Variants in SNX11 observed in about 807,000 individuals in gnomAD.
SNX11 encodes sorting nexin-11.
SNX11 carries 19 observed loss-of-function variants against 30.7 expected under a neutral mutation model. That is an observed-to-expected ratio of 0.62 (90% confidence interval 0.43 to 0.91). The LOEUF (loss-of-function observed/expected upper bound fraction) is 0.91, where lower values mean the gene tolerates loss of function less well. SNX11 is among the 40% of genes least tolerant of loss of function. The pLI is 0.00. For missense variants in SNX11, 302 were observed against 326.7 expected, an observed-to-expected ratio of 0.92 and a Z score of 0.58; for synonymous variants, 112 against 119.0, an observed-to-expected ratio of 0.94 and a Z score of 0.38.
chr17:48,118,742 G>A lies in SNX11; in HGVS notation c.269G>A (p.Gly90Asp). 6.2e-7 allele frequency: 1 copy of A among 1,614,054 alleles called. No individual in the cohort carries two copies. The highest frequency in any genetic ancestry group is 8.5e-7 in the Non-Finnish European group (1 of 1,179,974). The change falls in exon 5 of 7, where the codon GGC becomes GAC. Residue 90 changes from glycine to aspartate, a missense_variant. Transcript: ENST00000359238. ...CTTCCTGGGAAGTCAACCTTCTTCG[G>A]CACCTCAGATGAGTTCATTGAGAAG... is the stretch of plus-strand genomic sequence containing the variant. ...PELPGKSTFF[G>D]TSDEFIEKRR...
rs2063609544 is a variant in SNX11 at position 48,122,250 on chromosome 17, T to C, written c.*742T>C. ...TGTCCCGGGCTGTTACTGTCTCTTC[T>C]GGTTATAAAGCAGACATGTGGCCAT... On this transcript the variant is annotated 3_prime_UTR_variant, in exon 7 of 7. Coordinates refer to ENST00000359238, the MANE Select transcript of SNX11 (RefSeq NM_013323.3). 6.5e-6 allele frequency: 1 copy of C among 153,782 alleles called. No individual in the cohort carries two copies. Among genetic ancestry groups the C allele is most frequent in the African/African-American group, 2.4e-5 (1 of 41,454 alleles). 9.5% of individuals were successfully genotyped at this position (153,782 alleles called of 1,614,324 possible). A position where few individuals can be genotyped will look rare whatever the true frequency, so the allele number is the denominator to read the frequency against.
Position 48,112,021 on chromosome 17 carries a change from C to G in SNX11, c.-13-10C>G. Reference sequence around the variant, plus strand: ...CTAACCTTGATCCTGTATCCTCTGTCCCTCATCAGATGTTTCCTTCCAATG... The same window carrying G: ...CTAACCTTGATCCTGTATCCTCTGTGCCTCATCAGATGTTTCCTTCCAATG... On this transcript the variant is annotated splice_polypyrimidine_tract_variant and intron_variant, in intron 1 of 6. Coordinates refer to ENST00000359238, the MANE Select transcript of SNX11 (RefSeq NM_013323.3). 6.2e-7 allele frequency: 1 copy of G among 1,605,910 alleles called. No homozygotes were observed. Among genetic ancestry groups the G allele is most frequent in the Non-Finnish European group, 8.5e-7 (1 of 1,172,580 alleles).
At chr17:48,112,463 G>A in intron 2 of SNX11, 111 bp from the exon 3 acceptor site, 1 of 720,308 alleles carries the variant, frequency 1.4e-6, no homozygotes, top group Non-Finnish European at 2.5e-6. Context: ...ATAAATGAAA[G>A]TTGGTGTTGA....
chr17:48,119,611 C>T (rs1479219331), intron 6 of SNX11, among the ~76,000 whole-genome samples: 1 of 152,124 alleles, frequency 6.6e-6, no homozygotes, highest in African/African-American at 2.4e-5. Flanking sequence ...GCCACCACAC[C>T]TGGCTAAGTT....
chr17:48,111,873 AT>A (rs140936606), intron 1 of SNX11, 157 bp from the exon 2 acceptor site: 3,125 of 547,746 alleles, frequency 5.7e-3, no homozygotes, highest in South Asian at 7.2e-3. Context: ...GCTAATGGGG[AT>A]TTTTTTTTTG....
intron 4 of SNX11, among the ~76,000 whole-genome samples, chr17:48,114,043 G>A (rs1034004256): frequency 1.3e-5 from 2 of 151,426 alleles, no homozygotes; most frequent in African/African-American, 4.9e-5. Context: ...TTTAGTAGAG[G>A]TGGGGTTTGT....
chr17:48,121,589 A>T lies in SNX11; in HGVS notation c.*81A>T, dbSNP rs946169508. On this transcript the variant is annotated 3_prime_UTR_variant, in exon 7 of 7. Coordinates refer to ENST00000359238, the MANE Select transcript of SNX11 (RefSeq NM_013323.3). ...AGGTGGGACTGGGCACAGGGCAGGT[A>T]TGTGGGAGGCTGGGCTGCTTAGTGT... The T allele has an allele frequency of 6.7e-7, 1 of 1,489,546 alleles. No homozygotes were observed. Among genetic ancestry groups the T allele is most frequent in the African/African-American group, 1.4e-5 (1 of 72,190 alleles). The allele number at this position is 1,489,546 out of a possible 1,614,324, so 92.3% of individuals were successfully genotyped here. A position where few individuals can be genotyped will look rare whatever the true frequency, so the allele number is the denominator to read the frequency against.
At position 48,118,733 on chromosome 17, in the gene SNX11, CCTT is replaced by C. The variant is rs766735425; in HGVS notation, c.265_267del (p.Phe89del). ...GTTCCTGAACTTCCTGGGAAGTCAA[CCTT>C]CTTCGGCACCTCAGATGAGTTCATT... On this transcript the variant is annotated inframe_deletion, in exon 5 of 7. Transcript: ENST00000359238. The C allele has an allele frequency of 1.2e-6, 2 of 1,614,050 alleles. No individual in the cohort carries two copies. The highest frequency in any genetic ancestry group is 1.7e-6 in the Non-Finnish European group (2 of 1,179,958).
chr17:48,110,127 A>G (rs2063477118), intron 1 of SNX11, among the ~76,000 whole-genome samples: 1 of 150,224 alleles, frequency 6.7e-6, no homozygotes, highest in Non-Finnish European at 1.5e-5. Context: ...AAGAGAAGAG[A>G]AAAAAAAAAC....
intron 4 of SNX11, among the ~76,000 whole-genome samples, chr17:48,117,185 G>T (rs1045885389): frequency 6.6e-6 from 1 of 151,370 alleles, no homozygotes; most frequent in African/African-American, 2.4e-5. Context: ...CTCCCGAGTA[G>T]CTGGGGATTA....
intron 1 of SNX11, among the ~76,000 whole-genome samples, chr17:48,111,465 T>C (rs2063491734): frequency 6.6e-6 from 1 of 152,006 alleles, no homozygotes; most frequent in Non-Finnish European, 1.5e-5. Context: ...CTGACCAACA[T>C]GGAGAAACCC....
chr17:48,110,750 G>C (rs2063483893), intron 1 of SNX11: 1 of 152,664 alleles, frequency 6.6e-6, no homozygotes, highest in African/African-American at 2.4e-5. Context: ...ATTGGCTGAA[G>C]TCAGTTTTCA....
chr17:48,116,275 C>CA (rs1014562893), intron 4 of SNX11, among the ~76,000 whole-genome samples: 1 of 151,988 alleles, frequency 6.6e-6, no homozygotes, highest in African/African-American at 2.4e-5. Context: ...ACAACAACTA[C>CA]AAAAAAATGT....
At position 48,112,090 on chromosome 17, in the gene SNX11, G is replaced by C. The variant is rs752042439; in HGVS notation, c.42+5G>C. On this transcript the variant is annotated splice_donor_5th_base_variant and intron_variant, in intron 2 of 6. Transcript: ENST00000359238. Reference sequence around the variant, plus strand: ...TCGGAGAACCAAGAACAGGAGGTAAGAGTATGGTCTGCAGAGAACAGGTGG... The same window carrying C: ...TCGGAGAACCAAGAACAGGAGGTAACAGTATGGTCTGCAGAGAACAGGTGG... 1 of 1,613,602 alleles carries C rather than the reference G, an allele frequency of 6.2e-7. No individual in the cohort carries two copies. Among genetic ancestry groups the C allele is most frequent in the Non-Finnish European group, 8.5e-7 (1 of 1,179,554 alleles).
chr17:48,111,539 C>T lies in SNX11; in HGVS notation c.-13-492C>T, dbSNP rs376294614. On this transcript the variant is annotated intron_variant, in intron 1 of 6. Transcript: ENST00000359238. ...GCACGTGCCTGTAATCCCAGCTACT[C>T]GGGAGACTGAGGCAGGAGAATTGCT... Among the ~76,000 whole-genome samples, 10 of 151,654 alleles carry T rather than the reference C, an allele frequency of 6.6e-5. No individual in the cohort carries two copies. The East Asian group carries it at 1.2e-3, about 18-fold the overall frequency.
At chr17:48,119,475 G>A (rs965104572) in intron 6 of SNX11, among the ~76,000 whole-genome samples, 22 of 151,982 alleles carry the variant, frequency 1.4e-4, no homozygotes, top group Non-Finnish European at 2.5e-4. Flanking sequence ...GTGTGGAGAC[G>A]GACGCTCACT....
At chr17:48,121,092 C>A in intron 6 of SNX11, 143 bp from the exon 7 acceptor site, 1 of 830,402 alleles carries the variant, frequency 1.2e-6, no homozygotes, top group Non-Finnish European at 1.9e-6. Flanking sequence ...CTCAAGCAAT[C>A]TTCTGGCCTC....
intron 1 of SNX11, among the ~76,000 whole-genome samples, chr17:48,109,367 C>G (rs2063467904): frequency 6.7e-6 from 1 of 149,656 alleles, no homozygotes; most frequent in Non-Finnish European, 1.5e-5. Context: ...TCAACTGATT[C>G]TCCTGCCTCA....
intron 5 of SNX11, 52 bp downstream of exon 5, chr17:48,118,851 G>T (rs753037327): frequency 1.3e-5 from 20 of 1,575,074 alleles, no homozygotes; most frequent in Non-Finnish European, 1.7e-5. Flanking sequence ...GGCAGGGGTG[G>T]AGGAATGTGC....
Sources: gnomAD v4.1 joint callset for allele counts (sites outside exome capture counted in the v4.1 genomes callset) on GRCh38, gnomAD v4.1.1 for gene constraint, MANE v1.5 for transcripts, NCBI Gene and HGNC (gene_info 2026-07-23, HGNC 2026-07-21) for gene names.